CERS4: variants seen among roughly 807,000 people sequenced by gnomAD.
The protein encoded by CERS4 is LAG1 homolog, ceramide synthase 4.
CERS4 carries 65 observed loss-of-function variants against 51.8 expected under a neutral mutation model. The ratio of observed to expected loss-of-function variants is 1.26; its 90% CI spans 1.03 to 1.54. CERS4 has a LOEUF of 1.54. CERS4 is among the 40% of genes most tolerant of loss of function. The pLI is 0.00. For missense variants in CERS4, 563 were observed against 500.4 expected, an observed-to-expected ratio of 1.13 and a Z score of -1.19; for synonymous variants, 228 against 208.4, an observed-to-expected ratio of 1.09 and a Z score of -0.81.
chr19:8,223,551 G>A (rs1235816037), intron 2 of CERS4, among the ~76,000 whole-genome samples: 4 of 152,006 alleles, frequency 2.6e-5, no homozygotes, highest in Admixed American at 6.6e-5. Context: ...CCTGGGAGGC[G>A]GAGGTTGCAG....
At chr19:8,245,127 A>C (rs796656420) in intron 2 of CERS4, among the ~76,000 whole-genome samples, 16 of 142,268 alleles carry the variant, frequency 1.1e-4, no homozygotes, top group South Asian at 4.5e-4. Context: ...AAAAAAAAAA[A>C]AAAAAAAACA....
chr19:8,250,807 C>A, intron 2 of CERS4: 1 of 1,199,914 alleles, frequency 8.3e-7, no homozygotes, highest in Non-Finnish European at 1.0e-6. Flanking sequence ...AAGTCATTTG[C>A]CTGAGGACAC....
chr19:8,256,380 A>G, intron 7 of CERS4, 94 bp downstream of exon 7: 1 of 1,380,788 alleles, frequency 7.2e-7, no homozygotes, highest in Non-Finnish European at 1.0e-6. Flanking sequence ...CTGACACTAC[A>G]CTGTCATTCC....
At chr19:8,238,847 C>T (rs1028204560) in intron 2 of CERS4, among the ~76,000 whole-genome samples, 1 of 152,042 alleles carries the variant, frequency 6.6e-6, no homozygotes, top group African/African-American at 2.4e-5. Context: ...GTCGGTAATC[C>T]TAGCACTTTG....
chr19:8,231,265 A>G (rs918257237), intron 2 of CERS4, among the ~76,000 whole-genome samples: 3 of 152,150 alleles, frequency 2.0e-5, no homozygotes, highest in East Asian at 1.9e-4. Context: ...AGTGCTGGAT[A>G]TTGTGGAAGA....
intron 4 of CERS4, 80 bp downstream of exon 4, chr19:8,254,696 G>A: frequency 7.5e-7 from 1 of 1,335,304 alleles, no homozygotes; most frequent in Admixed American, 2.0e-5. Flanking sequence ...CCATTTGTTG[G>A]GGCAGGAGAA....
intron 2 of CERS4, among the ~76,000 whole-genome samples, chr19:8,219,434 G>A (rs1043036344): frequency 2.0e-5 from 3 of 152,202 alleles, no homozygotes; most frequent in African/African-American, 7.2e-5. Flanking sequence ...AGAGGCTGAG[G>A]CTCAAGTATG....
chr19:8,221,891 T>A (rs1375235384), intron 2 of CERS4, among the ~76,000 whole-genome samples: 1 of 120,376 alleles, frequency 8.3e-6, no homozygotes, highest in African/African-American at 3.1e-5. Flanking sequence ...TTTTTTTTTT[T>A]TTTTTTTTGA....
rs140820752 is a variant in CERS4, at chr19:8,211,707, C to T, written c.-2+845C>T. Among the ~76,000 whole-genome samples, 68 of 151,818 alleles carry T rather than the reference C, an allele frequency of 4.5e-4. No individual in the cohort carries two copies. The East Asian group carries it at 0.012, about 28-fold the overall frequency. On this transcript the variant is annotated intron_variant, in intron 2 of 11. Coordinates refer to ENST00000251363, the MANE Select transcript of CERS4 (RefSeq NM_024552.3). Reference sequence around the variant, plus strand: ...AGGAGTTCGAGAGCAGCCTGGCCAACATGGTGAAACCCCATCTCTACTAGA... The same window carrying T: ...AGGAGTTCGAGAGCAGCCTGGCCAATATGGTGAAACCCCATCTCTACTAGA...
chr19:8,246,583 T>C (rs1313292452), intron 2 of CERS4, among the ~76,000 whole-genome samples: 1 of 151,936 alleles, frequency 6.6e-6, no homozygotes, highest in Non-Finnish European at 1.5e-5. Flanking sequence ...TTCACTTGGG[T>C]AAATTTTACC....
intron 2 of CERS4, among the ~76,000 whole-genome samples, chr19:8,211,502 G>A (rs1462351574): frequency 6.6e-6 from 1 of 152,188 alleles, no homozygotes; most frequent in East Asian, 1.9e-4. Flanking sequence ...TGACCTATAG[G>A]TAAAGAGCTG....
At chr19:8,236,669 G>T (rs992931835) in intron 2 of CERS4, among the ~76,000 whole-genome samples, 9 of 131,252 alleles carry the variant, frequency 6.9e-5, no homozygotes, top group Non-Finnish European at 1.2e-4. Flanking sequence ...ACAGAACCAG[G>T]CCCTGTCTTC....
chr19:8,241,061 C>T (rs929549727), intron 2 of CERS4, among the ~76,000 whole-genome samples: 3 of 152,106 alleles, frequency 2.0e-5, no homozygotes, highest in Non-Finnish European at 2.9e-5. Flanking sequence ...GCCACCCACG[C>T]GGTGGCTCTG....
chr19:8,256,296 A>AGT lies in CERS4; in HGVS notation c.519+11_519+12insTG, dbSNP rs749625898. The AGT allele has an allele frequency of 1.6e-5, 22 of 1,408,904 alleles. No homozygotes were observed. The highest frequency in any genetic ancestry group is 1.9e-4 in the Middle Eastern group (1 of 5,338). 87.3% of individuals were successfully genotyped at this position (1,408,904 alleles called of 1,614,324 possible). On this transcript the variant is annotated intron_variant, in intron 7 of 11. Transcript: ENST00000251363. ...CAGGTACCCAAACCAGGTGAGTGGCAGAGTGTGTGTGAATGCTTGGAGGGT... is the reference window on the plus strand; with the variant it reads ...CAGGTACCCAAACCAGGTGAGTGGCAGTGAGTGTGTGTGAATGCTTGGAGGGT...
intron 9 of CERS4, 75 bp downstream of exon 9, chr19:8,257,152 A>C: frequency 6.9e-7 from 1 of 1,451,248 alleles, no homozygotes; most frequent in Middle Eastern, 2.4e-4. Flanking sequence ...ATGAGGTCCC[A>C]TTCCTCCCAA....
chr19:8,240,321 G>T (rs73008757), intron 2 of CERS4, among the ~76,000 whole-genome samples: 7 of 152,040 alleles, frequency 4.6e-5, no homozygotes, highest in African/African-American at 1.4e-4. Context: ...GGGGTCTTTG[G>T]GGGGAGTGGT....
At chr19:8,215,817 CAG>C (rs1967277191) in intron 2 of CERS4, among the ~76,000 whole-genome samples, 1 of 152,174 alleles carries the variant, frequency 6.6e-6, no homozygotes, top group African/African-American at 2.4e-5. Flanking sequence ...ACAGCAGGGA[CAG>C]GGGAATAGGG....
At chr19:8,255,328 A>C (rs764350169) in intron 4 of CERS4, among the ~76,000 whole-genome samples, 1 of 152,060 alleles carries the variant, frequency 6.6e-6, no homozygotes, top group Non-Finnish European at 1.5e-5. Flanking sequence ...AGGGAAGCCT[A>C]TCCGGGGGTA....
At chr19:8,243,331 C>A (rs1272858864) in intron 2 of CERS4, among the ~76,000 whole-genome samples, 1 of 151,994 alleles carries the variant, frequency 6.6e-6, no homozygotes, top group East Asian at 1.9e-4. Context: ...CCCCCACGGG[C>A]ACACGGGATC....
Sources: gnomAD v4.1 joint callset for allele counts (sites outside exome capture counted in the v4.1 genomes callset) on GRCh38, gnomAD v4.1.1 for gene constraint, MANE v1.5 for transcripts, NCBI Gene and HGNC (gene_info 2026-07-23, HGNC 2026-07-21) for gene names.